The following SIM1 variants were observed in gnomAD, a reference collection of about 807,000 sequenced individuals.
SIM1 encodes single-minded homolog 1.
In SIM1, 18 loss-of-function variants were observed where a neutral mutation model predicts 78.2. The ratio of observed to expected loss-of-function variants is 0.23; its 90% CI spans 0.16 to 0.34. The LOEUF (loss-of-function observed/expected upper bound fraction) is 0.34. SIM1 is among the 10% of genes least tolerant of loss of function. The probability of loss-of-function intolerance (pLI) is 1.00; values close to 1 mark genes in which losing one functional copy is unlikely to be tolerated. For missense variants in SIM1, 939 were observed against 975.1 expected, an observed-to-expected ratio of 0.96 and a Z score of 0.49; for synonymous variants, 417 against 385.2, an observed-to-expected ratio of 1.08 and a Z score of -0.97.
chr6:100,393,532 A>G lies in SIM1; in HGVS notation c.1525T>C (p.Tyr509His). The change falls in exon 11 of 12, where the codon TAT becomes CAT. Residue 509 changes from tyrosine to histidine, a missense_variant. Around this residue, in one of 5 missense-constraint regions of SIM1, gnomAD observed 556 missense variants for 521.9 expected, o/e 1.07. Transcript: ENST00000369208. ...TKASPESREA[Y>H]ENSMPHIASV... ...GCGATGTGAGGCATGCTGTTTTCATAGGCTTCTCTGCTTTCTGGGGAGGCC... is the reference window on the plus strand; with the variant it reads ...GCGATGTGAGGCATGCTGTTTTCATGGGCTTCTCTGCTTTCTGGGGAGGCC... 2 of 1,586,446 alleles carry G rather than the reference A, an allele frequency of 1.3e-6. No individual in the cohort carries two copies. Among genetic ancestry groups the G allele is most frequent in the South Asian group, 1.1e-5 (1 of 88,688 alleles).
chr6:100,425,292 A>C (rs1451385809), intron 9 of SIM1, among the ~76,000 whole-genome samples: 3 of 152,190 alleles, frequency 2.0e-5, no homozygotes, highest in Non-Finnish European at 4.4e-5. Flanking sequence ...CTTTATCAGC[A>C]GTGTGAAAAC....
rs1770567340 is a variant in SIM1, at chr6:100,388,800, A to G, written c.*1561T>C. 1 of 152,324 alleles carries G rather than the reference A, an allele frequency of 6.6e-6. No homozygotes were observed. The highest frequency in any genetic ancestry group is 6.5e-5 in the Admixed American group (1 of 15,290). 9.4% of individuals were successfully genotyped at this position (152,324 alleles called of 1,614,324 possible). The stretch of plus-strand genomic sequence containing the variant: ...TATATCATTTTGCTTTAATTACTAG[A>G]GAATAGAGCATTAAATAAATCTTGC... On this transcript the variant is annotated 3_prime_UTR_variant, in exon 12 of 12. Coordinates refer to ENST00000369208, the MANE Select transcript of SIM1 (RefSeq NM_005068.3).
intron 10 of SIM1, among the ~76,000 whole-genome samples, chr6:100,413,316 T>A (rs1383299501): frequency 6.6e-6 from 1 of 152,154 alleles, no homozygotes; most frequent in Non-Finnish European, 1.5e-5. Context: ...ACTCAATATC[T>A]GCTAAGGACC....
intron 10 of SIM1, among the ~76,000 whole-genome samples, chr6:100,418,363 T>TAAAA (rs1771464868): frequency 6.7e-6 from 1 of 149,058 alleles, no homozygotes; most frequent in South Asian, 2.1e-4. Flanking sequence ...TCTCCAAAAA[T>TAAAA]AAATAAATAA....
chr6:100,447,492 AG>A (rs945558676), intron 8 of SIM1, 77 bp from the exon 9 acceptor site: 11 of 1,546,354 alleles, frequency 7.1e-6, no homozygotes, highest in Non-Finnish European at 9.8e-6. Context: ...CCTGGTGGTA[AG>A]AATTGAGGGC....
intron 2 of SIM1, among the ~76,000 whole-genome samples, chr6:100,461,339 TTCC>T (rs1163070758): frequency 2.6e-5 from 4 of 152,196 alleles, no homozygotes; most frequent in African/African-American, 9.7e-5. Context: ...ACAGCCCGAT[TTCC>T]TCCCAGCTGC....
rs755488832 is a variant in SIM1 at position 100,393,908 on chromosome 6, GA to G, written c.1168-20del. ...CCGAATACTGAAACCGAGTAGGGGA[GA>G]AAAGTCCATTTCAAAAATCAATCGA... On this transcript the variant is annotated intron_variant, in intron 10 of 11. Transcript: ENST00000369208. The G allele has an allele frequency of 1.3e-6, 2 of 1,516,798 alleles. No homozygotes were observed. The highest frequency in any genetic ancestry group is 1.8e-6 in the Non-Finnish European group (2 of 1,132,492). The allele number at this position is 1,516,798 out of a possible 1,614,324, so 94.0% of individuals were successfully genotyped here.
chr6:100,463,068 A>G (rs1274311081), intron 2 of SIM1: 1 of 463,062 alleles, frequency 2.2e-6, no homozygotes, highest in African/African-American at 1.9e-5. Flanking sequence ...AACATATCTG[A>G]TGGACTGAAG....
At position 100,448,709 on chromosome 6, in the gene SIM1, G is replaced by A. The variant is rs763787930; in HGVS notation, c.544-31C>T. On this transcript the variant is annotated intron_variant, in intron 6 of 11. Coordinates refer to ENST00000369208, the MANE Select transcript of SIM1 (RefSeq NM_005068.3). Reference sequence around the variant, plus strand: ...GCAGAGGGATAGGGAGGGAGACTCAGCCACAGGTAGGAAGAGCCCCCAAAA... The same window carrying A: ...GCAGAGGGATAGGGAGGGAGACTCAACCACAGGTAGGAAGAGCCCCCAAAA... 11 of 1,590,148 alleles carry A rather than the reference G, an allele frequency of 6.9e-6. No homozygotes were observed. The Admixed American group carries it at 1.2e-4, about 17-fold the overall frequency.
At chr6:100,449,522 G>A (rs1185153245) in intron 5 of SIM1, 69 bp downstream of exon 5, 2 of 1,579,564 alleles carry the variant, frequency 1.3e-6, no homozygotes, top group South Asian at 1.1e-5. Context: ...TCTCTGCCAC[G>A]ACTAATTGGG....
At chr6:100,398,991 A>G (rs1281982397) in intron 10 of SIM1, among the ~76,000 whole-genome samples, 1 of 151,486 alleles carries the variant, frequency 6.6e-6, no homozygotes, top group African/African-American at 2.4e-5. Context: ...TAGCCATCCT[A>G]ATGGGTGTGA....
At position 100,433,740 on chromosome 6, in the gene SIM1, C is replaced by CCACACACA. The variant is rs528530747; in HGVS notation, c.999-12790_999-12783dup. ...AACAGATTAAGACCCACCCCCCCAC[C>CCACACACA]CACACACACACACACACACACACAC... On this transcript the variant is annotated intron_variant, in intron 9 of 11. Transcript: ENST00000369208. Among the ~76,000 whole-genome samples, 925 of 124,326 alleles carry CCACACACA rather than the reference C, an allele frequency of 7.4e-3. 12 individuals are homozygous for CCACACACA. The highest frequency in any genetic ancestry group is 0.02 in the East Asian group (79 of 3,976). 81.6% of individuals were successfully genotyped at this position (124,326 alleles called of 152,430 possible).
At chr6:100,448,355 T>C in intron 7 of SIM1, 103 bp from the exon 8 acceptor site, 2 of 1,374,266 alleles carry the variant, frequency 1.5e-6, no homozygotes. Flanking sequence ...CCGCCCTCAC[T>C]TTCCAGGGCC....
In SIM1 at chr6:100,393,609, T is replaced by C. The variant is rs1327564558; in HGVS notation, c.1448A>G (p.Gln483Arg). The change falls in exon 11 of 12, where the codon CAG becomes CGG. Residue 483 changes from glutamine to arginine, a missense_variant. Around this residue, in one of 5 missense-constraint regions of SIM1, gnomAD observed 556 missense variants for 521.9 expected, o/e 1.07. Transcript: ENST00000369208. ...GCCCCACCAGGGCTCCCTCCCGGCC[T>C]GCGGCGTTCCCAGGAAGTACCTGCC... Reference protein sequence around the residue: ...EAGRYFLGTPQAGREPWWGSR... With the variant: ...EAGRYFLGTPRAGREPWWGSR... 1 of 1,614,136 alleles carries C rather than the reference T, an allele frequency of 6.2e-7. No homozygotes were observed. Among genetic ancestry groups the C allele is most frequent in the African/African-American group, 1.3e-5 (1 of 75,080 alleles).
intron 2 of SIM1, among the ~76,000 whole-genome samples, chr6:100,457,840 G>A (rs1004911551): frequency 6.6e-6 from 1 of 152,190 alleles, no homozygotes; most frequent in African/African-American, 2.4e-5. Context: ...CTTGTTCCAC[G>A]CAGCAGCCTG....
At chr6:100,445,635 C>T (rs1772333441) in intron 9 of SIM1, among the ~76,000 whole-genome samples, 1 of 152,136 alleles carries the variant, frequency 6.6e-6, no homozygotes, top group Admixed American at 6.6e-5. Context: ...GGAGGTCTAA[C>T]TTGCATTTGG....
In SIM1 at chr6:100,385,485, G is replaced by T. The variant is rs1005292167; in HGVS notation, c.*4876C>A. On this transcript the variant is annotated 3_prime_UTR_variant, in exon 12 of 12. Coordinates refer to ENST00000369208, the MANE Select transcript of SIM1 (RefSeq NM_005068.3). ...GAAATGTAAACACATCAGGGTTACC[G>T]GGTGTAAGTTTAACAGTGATTACAT... The T allele has an allele frequency of 1.3e-5, 2 of 151,798 alleles. No homozygotes were observed. Among genetic ancestry groups the T allele is most frequent in the Non-Finnish European group, 2.9e-5 (2 of 67,914 alleles). The allele number at this position is 151,798 out of a possible 1,614,324, so 9.4% of individuals were successfully genotyped here.
intron 9 of SIM1, among the ~76,000 whole-genome samples, chr6:100,440,345 A>G (rs1772175964): frequency 6.6e-6 from 1 of 152,206 alleles, no homozygotes; most frequent in South Asian, 2.1e-4. Flanking sequence ...ACTAAAGCCC[A>G]TGCCTTTGTT....
intron 10 of SIM1, among the ~76,000 whole-genome samples, chr6:100,394,455 G>A (rs9390345): frequency 0.33 from 50,025 of 151,994 alleles, 9,361 homozygotes; most frequent in East Asian, 0.75. Flanking sequence ...CCCCAGGCTG[G>A]AGTGCAGTGG....
Sources: gnomAD v4.1 joint callset for allele counts (sites outside exome capture counted in the v4.1 genomes callset) on GRCh38, gnomAD v4.1.1 for gene constraint, gnomAD v4.1.1 regional missense constraint, MANE v1.5 for transcripts, NCBI Gene and HGNC (gene_info 2026-07-23, HGNC 2026-07-21) for gene names.